POLR1C: variants seen among roughly 807,000 people sequenced by gnomAD.
POLR1C encodes RNA polymerase I and III subunit C, also known as DNA-directed RNA polymerases I and III subunit RPAC1.
A neutral mutation model predicts 38.3 loss-of-function variants in POLR1C; 42 were observed. The observed-to-expected ratio is 1.10, with a 90% CI of 0.86 to 1.42. POLR1C has a LOEUF of 1.42. Ranked by LOEUF, POLR1C falls within the 40% of genes most tolerant of loss-of-function variation. The pLI is 0.00. For missense variants in POLR1C, 507 were observed against 450.5 expected, an observed-to-expected ratio of 1.13 and a Z score of -1.14; for synonymous variants, 163 against 163.9, an observed-to-expected ratio of 0.99 and a Z score of 0.04.
At chr6:43,558,567 T>G (rs757648867) in intron 10 of POLR1C, 1 of 1,598,450 alleles carries the variant, frequency 6.3e-7, no homozygotes, top group South Asian at 1.1e-5. Flanking sequence ...CAGCTAGGGC[T>G]GTCTGTTTTA....
intron 9 of POLR1C, among the ~76,000 whole-genome samples, chr6:43,548,872 T>A (rs568307935): frequency 1.2e-4 from 19 of 152,074 alleles, no homozygotes; most frequent in Non-Finnish European, 2.6e-4. Flanking sequence ...TTGCATCTGC[T>A]TTTCTCAAGA....
intron 10 of POLR1C, among the ~76,000 whole-genome samples, chr6:43,552,329 T>C (rs1346583463): frequency 3.3e-5 from 5 of 152,068 alleles, no homozygotes; most frequent in Non-Finnish European, 5.9e-5. Context: ...GTGCTAGGAT[T>C]ACAGGCCTGA....
chr6:43,526,175 A>T (rs1793575857), downstream of POLR1C: 1 of 489,732 alleles, frequency 2.0e-6, no homozygotes, highest in African/African-American at 1.9e-5. Context: ...TACTGAAGTT[A>T]CTTTGTTGTT....
chr6:43,553,419 A>G, intron 10 of POLR1C: 1 of 1,605,568 alleles, frequency 6.2e-7, no homozygotes, highest in Non-Finnish European at 8.5e-7. Context: ...ACTTTCCAAA[A>G]AAAGAGTCAT....
chr6:43,560,801 G>C (rs543115687), intron 10 of POLR1C: 4 of 810,250 alleles, frequency 4.9e-6, no homozygotes. Flanking sequence ...ATGACACTAC[G>C]GTCATTCCCC....
At chr6:43,553,249 C>T (rs1795336603) in intron 10 of POLR1C, 2 of 1,250,906 alleles carry the variant, frequency 1.6e-6, no homozygotes, top group East Asian at 5.6e-5. Context: ...TTACAGAGAG[C>T]TATGATTGTG....
downstream of POLR1C, chr6:43,523,732 GC>G: frequency 2.1e-6 from 3 of 1,423,744 alleles, no homozygotes; most frequent in Admixed American, 5.0e-5. Context: ...GTTCTCTCCA[GC>G]TCCAGACCTG....
chr6:43,556,541 A>T (rs1286440051), intron 10 of POLR1C, among the ~76,000 whole-genome samples: 3 of 151,998 alleles, frequency 2.0e-5, no homozygotes, highest in African/African-American at 7.2e-5. Flanking sequence ...AAAAAAAAAA[A>T]ATTTTTAAAA....
chr6:43,534,642 C>T (rs996358963), intron 9 of POLR1C, among the ~76,000 whole-genome samples: 3 of 152,142 alleles, frequency 2.0e-5, no homozygotes, highest in Non-Finnish European at 4.4e-5. Context: ...GTTTAAGATG[C>T]AAACTGAAAA....
downstream of POLR1C, chr6:43,522,761 C>G (rs540653050): frequency 2.1e-6 from 1 of 479,372 alleles, no homozygotes; most frequent in East Asian, 6.0e-5. Context: ...GTGCAGAGCA[C>G]ATGGACACAC....
chr6:43,539,547 C>A (rs1005059479), intron 9 of POLR1C: 13 of 1,391,458 alleles, frequency 9.3e-6, no homozygotes, highest in Admixed American at 1.7e-5. Context: ...TTGGCCTTGC[C>A]TCCGCGAGCT....
downstream of POLR1C, chr6:43,521,636 G>T (rs528053313): frequency 2.6e-5 from 10 of 379,376 alleles, no homozygotes; most frequent in Middle Eastern, 9.5e-4. Context: ...ATTCTCAGGA[G>T]GCTGAGGCAA....
rs143381942 is a variant in POLR1C at position 43,520,029 on chromosome 6, G to A, written c.383-37G>A. 9.4e-3 allele frequency: 15,175 copies of A among 1,612,326 alleles called. 102 individuals carry two copies. The highest frequency in any genetic ancestry group is 0.011 in the Non-Finnish European group (12,693 of 1,179,000). On this transcript the variant is annotated intron_variant, in intron 4 of 8. Transcript: ENST00000642195. Reference sequence around the variant, plus strand: ...TTCAGCATAGTGCTGGCACTCAGACGTTTACTAGTTCTTAGGAGCTCCCTC... The same window carrying A: ...TTCAGCATAGTGCTGGCACTCAGACATTTACTAGTTCTTAGGAGCTCCCTC...
At chr6:43,556,819 T>G (rs901090446) in intron 10 of POLR1C, among the ~76,000 whole-genome samples, 1 of 152,036 alleles carries the variant, frequency 6.6e-6, no homozygotes, top group Non-Finnish European at 1.5e-5. Flanking sequence ...ATCCATACAA[T>G]GAAATATTAG....
At chr6:43,524,397 A>G, downstream of POLR1C, 3 of 1,524,442 alleles carry the variant, frequency 2.0e-6, no homozygotes, top group Non-Finnish European at 2.6e-6. Context: ...CAATAACTAC[A>G]GCTGGTTTAT....
At position 43,517,455 on chromosome 6, in the gene POLR1C, A is replaced by T. The variant is rs552413275; in HGVS notation, c.141+78A>T. On this transcript the variant is annotated intron_variant, in intron 2 of 8. Transcript: ENST00000642195. ...TCTGAGCAGCCTGTGTCTGTCTCAG[A>T]AGCTGCTCTTGGGGGTCGCTCCGTT... 8.7e-5 allele frequency: 110 copies of T among 1,268,846 alleles called. 2 individuals are homozygous for T. 78.6% of individuals were successfully genotyped at this position (1,268,846 alleles called of 1,614,324 possible). A position where few individuals can be genotyped will look rare whatever the true frequency, so the allele number is the denominator to read the frequency against.
At chr6:43,527,673 G>A (rs766743812) in intron 8 of POLR1C, 5 of 1,613,914 alleles carry the variant, frequency 3.1e-6, no homozygotes, top group East Asian at 2.2e-5. Context: ...ATCCTCACCA[G>A]TTGCTCCTCC....
chr6:43,535,514 A>T (rs1794259943), intron 9 of POLR1C, among the ~76,000 whole-genome samples: 1 of 152,106 alleles, frequency 6.6e-6, no homozygotes, highest in Non-Finnish European at 1.5e-5. Context: ...CATCTTTCAG[A>T]CCATGTTTAA....
downstream of POLR1C, chr6:43,523,762 C>T (rs1561860872): frequency 6.4e-7 from 1 of 1,567,890 alleles, no homozygotes; most frequent in South Asian, 1.1e-5. Context: ...TCCAGGCTGA[C>T]AGTGGTGGAA....
Sources: allele counts gnomAD v4.1 joint callset (sites outside exome capture counted in the v4.1 genomes callset), GRCh38; gene constraint gnomAD v4.1.1; transcripts MANE v1.5; gene names NCBI Gene and HGNC (gene_info 2026-07-23, HGNC 2026-07-21).